Variants in TAAR9 observed in about 807,000 individuals in gnomAD.
TAAR9 encodes the protein trace amine associated receptor 9.
For missense variants in TAAR9, 453 were observed against 409.4 expected (o/e 1.11, Z -0.92); for synonymous variants, 162 against 152.6 (o/e 1.06, Z -0.45).
exon 1 of TAAR9, chr6:132,539,018 G>T: frequency 1.3e-6 from 2 of 1,529,784 alleles, no homozygotes; most frequent in Admixed American, 2.2e-5. Flanking sequence ...CCTCCTCAGA[G>T]AGTTACAAGG....
chr6:132,539,290 A>G (rs765194558), exon 1 of TAAR9: 5 of 1,612,468 alleles, frequency 3.1e-6, no homozygotes, highest in Non-Finnish European at 4.2e-6. Flanking sequence ...TTAAGGACTG[A>G]TTCGTCAACA....
At position 132,539,243 on chromosome 6, in the gene TAAR9, TG is replaced by T. The variant is rs1454913036; in HGVS notation, c.957del (p.Lys320ArgfsTer3). ...TTTATGCTTTCTTTTACCAATGGTT[TG>T]GGAAGGCAATAAAACTTATTGTAAG... is the stretch of plus-strand genomic sequence containing the variant. On this transcript the variant is annotated frameshift_variant, in exon 1 of 1. Transcript: ENST00000434551. LOFTEE classifies it low-confidence loss of function (END_TRUNC). 1 of 1,613,028 alleles carries T rather than the reference TG, an allele frequency of 6.2e-7. No individual in the cohort carries two copies. The highest frequency in any genetic ancestry group is 8.5e-7 in the Non-Finnish European group (1 of 1,179,530).
exon 1 of TAAR9, chr6:132,539,122 C>T: frequency 1.3e-6 from 2 of 1,563,720 alleles, no homozygotes; most frequent in Non-Finnish European, 1.7e-6. Flanking sequence ...CTCGTTGATG[C>T]AGTGATTGAT....
chr6:132,538,798 C>G, exon 1 of TAAR9: 1 of 1,613,834 alleles, frequency 6.2e-7, no homozygotes, highest in Non-Finnish European at 8.5e-7. Context: ...ATCTTTTACA[C>G]GGGAGCCAAC....
chr6:132,539,050 G>C, exon 1 of TAAR9: 2 of 1,529,714 alleles, frequency 1.3e-6, no homozygotes, highest in Non-Finnish European at 1.7e-6. Flanking sequence ...AAAAGAGAGA[G>C]AAAGGCTGCC....
exon 1 of TAAR9, chr6:132,538,340 C>T (rs1229964309): frequency 2.5e-6 from 4 of 1,612,908 alleles, no homozygotes; most frequent in East Asian, 2.2e-5. Flanking sequence ...GTTACAAGAA[C>T]GTGAACGAAT....
exon 1 of TAAR9, chr6:132,538,814 A>G (rs761808330): frequency 1.2e-6 from 2 of 1,613,920 alleles, no homozygotes; most frequent in South Asian, 2.2e-5. Context: ...CCAACGAAGA[A>G]GGAATTGAGG....
At chr6:132,538,791 T>G (rs1193212098) in exon 1 of TAAR9, 1 of 1,613,876 alleles carries the variant, frequency 6.2e-7, no homozygotes, top group East Asian at 2.2e-5. Context: ...CTTTTCGATC[T>G]TTTACACGGG....
At chr6:132,539,270 C>T (rs764199572) in exon 1 of TAAR9, 21 of 1,612,798 alleles carry the variant, frequency 1.3e-5, no homozygotes, top group African/African-American at 2.7e-5. Context: ...TTATTGTAAG[C>T]GGCAAGGTCT....
chr6:132,538,880 C>A (rs779509831), exon 1 of TAAR9: 1 of 1,611,784 alleles, frequency 6.2e-7, no homozygotes, highest in Non-Finnish European at 8.5e-7. Context: ...TGAATCAAAA[C>A]TGGGTCCTAC....
chr6:132,538,805 C>T (rs1373178508), exon 1 of TAAR9: 1 of 1,613,732 alleles, frequency 6.2e-7, no homozygotes, highest in Non-Finnish European at 8.5e-7. Flanking sequence ...ACACGGGAGC[C>T]AACGAAGAAG....
chr6:132,538,668 T>C (rs1364871688), exon 1 of TAAR9: 2 of 1,609,418 alleles, frequency 1.2e-6, no homozygotes, highest in Non-Finnish European at 1.7e-6. Flanking sequence ...ATGCTGTATC[T>C]CTGTTGATAG....
chr6:132,538,356 A>G (rs1011420038), exon 1 of TAAR9: 4 of 1,613,484 alleles, frequency 2.5e-6, no homozygotes, highest in Non-Finnish European at 3.4e-6. Flanking sequence ...CGAATCCTGC[A>G]TTAAAACTCC....
exon 1 of TAAR9, chr6:132,538,510 T>C (rs1562352828): frequency 6.2e-7 from 1 of 1,612,902 alleles, no homozygotes; most frequent in Admixed American, 1.7e-5. Context: ...ATTGCGTCGC[T>C]GGCCTGTGCT....
exon 1 of TAAR9, chr6:132,538,570 T>C: frequency 1.3e-6 from 2 of 1,596,902 alleles, no homozygotes; most frequent in Non-Finnish European, 1.7e-6. Context: ...GTGAGGTCTG[T>C]GGAGAGCTGT....
chr6:132,539,160 T>C (rs1487859545), exon 1 of TAAR9: 1 of 1,585,412 alleles, frequency 6.3e-7, no homozygotes, highest in Non-Finnish European at 8.6e-7. Flanking sequence ...AACTCCTCCT[T>C]ATGTTTATGA....
In TAAR9 at chr6:132,538,554, A is replaced by C. The variant is rs754778190; in HGVS notation, c.265A>C (p.Ser89Arg). The change falls in exon 1 of 1, where the codon AGC becomes CGC. Residue 89 changes from serine to arginine, a missense_variant. By Grantham distance (110) the Ser-to-Arg change is moderately radical. Coordinates refer to ENST00000434551, the Ensembl canonical transcript of TAAR9. ...GGTGGGAGTCACTGTGATGCCCTTC[A>C]GCACAGTGAGGTCTGTGGAGAGCTG... 28 of 1,603,372 alleles carry C rather than the reference A, an allele frequency of 1.7e-5. No homozygotes were observed. The African/African-American group carries it at 3.4e-4, about 19-fold the overall frequency.
At chr6:132,539,100 T>C (rs1400537675) in exon 1 of TAAR9, 1 of 1,547,378 alleles carries the variant, frequency 6.5e-7, no homozygotes, top group African/African-American at 1.4e-5. Context: ...TCTTGTCTCT[T>C]GGCTACCATA....
chr6:132,538,472 AC>A lies in TAAR9; in HGVS notation c.184del (p.Gln62AsnfsTer9). 9 of 1,612,468 alleles carry A rather than the reference AC, an allele frequency of 5.6e-6. No homozygotes were observed. The highest frequency in any genetic ancestry group is 7.6e-6 in the Non-Finnish European group (9 of 1,179,626). ...TCATGATTGCTATCCTTCACTTCAA[AC>A]AACTGCACACACCTACAAACTTTCT... is the stretch of plus-strand genomic sequence containing the variant. On this transcript the variant is annotated frameshift_variant, in exon 1 of 1. Coordinates refer to ENST00000434551, the Ensembl canonical transcript of TAAR9. LOFTEE classifies it low-confidence loss of function (END_TRUNC).
Sources: allele counts gnomAD v4.1 joint callset, GRCh38; gene constraint gnomAD v4.1.1; transcripts MANE v1.5; gene names NCBI Gene and HGNC (gene_info 2026-07-23, HGNC 2026-07-21).